Variants in CNBD1 observed in about 807,000 individuals in gnomAD.
The protein encoded by CNBD1 is cyclic nucleotide binding domain containing 1.
CNBD1 carries 71 observed loss-of-function variants against 54.4 expected under a neutral mutation model. That is an observed-to-expected ratio of 1.30 (90% CI 1.08 to 1.59). CNBD1 has a LOEUF of 1.59. CNBD1 is among the 40% of genes most tolerant of loss of function. The pLI is 0.00. For missense variants in CNBD1, 659 were observed against 518.0 expected, an observed-to-expected ratio of 1.27 and a Z score of -2.64; for synonymous variants, 182 against 170.7, an observed-to-expected ratio of 1.07 and a Z score of -0.51.
At chr8:87,303,276 T>C (rs1194779425) in intron 8 of CNBD1, among the ~76,000 whole-genome samples, 2 of 151,858 alleles carry the variant, frequency 1.3e-5, no homozygotes, top group African/African-American at 2.4e-5. Flanking sequence ...ATGGTACTGG[T>C]ACCAAAACAG....
chr8:87,133,070 T>C (rs914335334), intron 4 of CNBD1, among the ~76,000 whole-genome samples: 11 of 150,662 alleles, frequency 7.3e-5, no homozygotes, highest in African/African-American at 1.9e-4. Flanking sequence ...AATGATCTTA[T>C]ACTTTTTAGT....
At chr8:87,099,777 A>C (rs1206215972) in intron 4 of CNBD1, among the ~76,000 whole-genome samples, 1 of 152,204 alleles carries the variant, frequency 6.6e-6, no homozygotes, top group Non-Finnish European at 1.5e-5. Context: ...CATCTTTGAG[A>C]TGTCTAACAG....
intron 6 of CNBD1, among the ~76,000 whole-genome samples, chr8:87,259,708 T>C (rs777761367): frequency 1.3e-5 from 2 of 152,316 alleles, no homozygotes; most frequent in Middle Eastern, 3.4e-3. Context: ...AGTTTCTTAA[T>C]TGGTTATTGG....
In CNBD1 at chr8:87,163,431, T is replaced by A. The variant is rs1215756918; in HGVS notation, c.432-42562T>A. On this transcript the variant is annotated intron_variant, in intron 4 of 10. Coordinates refer to ENST00000518476, the MANE Select transcript of CNBD1 (RefSeq NM_173538.3). The surrounding 1 kb of genome is among the most constrained non-coding windows in gnomAD (Gnocchi z 4.5). ...TCAGGTCATATGAATAATTTAATAT[T>A]AATTTCTTCAACCCATGAATACAAG... Among the ~76,000 whole-genome samples the A allele has an allele frequency of 3.9e-5, 6 of 152,028 alleles. No homozygotes were observed. Among genetic ancestry groups the A allele is most frequent in the African/African-American group, 1.4e-4 (6 of 41,440 alleles).
Position 87,354,697 on chromosome 8 carries a change from GTT to G in CNBD1, c.1303+913_1303+914del, listed in dbSNP as rs1036316506. 3.3e-5 allele frequency among the ~76,000 whole-genome samples: 5 copies of G among 152,068 alleles called. No individual in the cohort carries two copies. The East Asian group carries it at 7.8e-4, about 24-fold the overall frequency. ...TTGTGATAGTTTGCTGAGAATGATA[GTT>G]TCCAGCTTCATCCATGTCCCTACAA... On this transcript the variant is annotated intron_variant, in intron 10 of 10. Coordinates refer to ENST00000518476, the MANE Select transcript of CNBD1 (RefSeq NM_173538.3).
intron 2 of CNBD1, among the ~76,000 whole-genome samples, chr8:86,898,560 T>C (rs1808881337): frequency 1.3e-5 from 2 of 152,038 alleles, no homozygotes; most frequent in Admixed American, 1.3e-4. Flanking sequence ...GCAAGCCAAT[T>C]GAATGGAGAA....
chr8:87,052,685 G>A (rs969178869), intron 4 of CNBD1, among the ~76,000 whole-genome samples: 16 of 152,214 alleles, frequency 1.1e-4, no homozygotes, highest in South Asian at 2.1e-4. Flanking sequence ...TTGGCTATAG[G>A]AGACATGTTG....
At chr8:87,013,694 G>A (rs191250844) in intron 4 of CNBD1, among the ~76,000 whole-genome samples, 2 of 149,710 alleles carry the variant, frequency 1.3e-5, no homozygotes, top group Admixed American at 1.3e-4. Flanking sequence ...AAGTACTAAA[G>A]TAAAGCTATA....
chr8:87,078,025 G>A (rs1010946208), intron 4 of CNBD1, among the ~76,000 whole-genome samples: 2 of 152,240 alleles, frequency 1.3e-5, no homozygotes, highest in African/African-American at 4.8e-5. Context: ...ACCTCCCAAA[G>A]GTCTCACTTC....
chr8:87,296,763 T>G (rs1379002534), intron 8 of CNBD1, among the ~76,000 whole-genome samples: 2 of 152,064 alleles, frequency 1.3e-5, no homozygotes, highest in Admixed American at 6.6e-5. Flanking sequence ...CAGGCTATAA[T>G]TCATAAAGTA....
rs1194371931 is a variant in CNBD1, at chr8:87,076,579, A to G, written c.432-129414A>G. 2.0e-5 allele frequency among the ~76,000 whole-genome samples: 3 copies of G among 151,964 alleles called. No individual in the cohort carries two copies. In the East Asian group the frequency reaches 5.8e-4, roughly 30 times the overall value. On this transcript the variant is annotated intron_variant, in intron 4 of 10. Transcript: ENST00000518476. ...TGCCTCAGCCTCCTGGGTAGCTGGGACTACAGGCATGCCCCACCATGTCTG... is the reference window on the plus strand; with the variant it reads ...TGCCTCAGCCTCCTGGGTAGCTGGGGCTACAGGCATGCCCCACCATGTCTG...
intron 4 of CNBD1, among the ~76,000 whole-genome samples, chr8:87,179,064 C>A (rs1323578869): frequency 1.3e-5 from 2 of 152,122 alleles, no homozygotes; most frequent in Non-Finnish European, 2.9e-5. Context: ...GTGCGTGCCA[C>A]CATGCCCAGC....
chr8:87,176,229 G>C (rs1181502633), intron 4 of CNBD1, among the ~76,000 whole-genome samples: 1 of 152,152 alleles, frequency 6.6e-6, no homozygotes, highest in Non-Finnish European at 1.5e-5. Context: ...GCTTTTTTGT[G>C]TAGATAGTTG....
intron 2 of CNBD1, among the ~76,000 whole-genome samples, chr8:86,889,334 A>G (rs189662250): frequency 1.5e-4 from 23 of 152,290 alleles, no homozygotes; most frequent in African/African-American, 5.5e-4. Flanking sequence ...TTCTTTAGAC[A>G]ATTTACCAGA....
intron 4 of CNBD1, among the ~76,000 whole-genome samples, chr8:87,042,781 AT>A (rs1231847567): frequency 1.6e-4 from 25 of 152,172 alleles, no homozygotes; most frequent in African/African-American, 5.8e-4. Flanking sequence ...AAATATATAA[AT>A]ATAATATGTA....
At position 87,367,826 on chromosome 8, in the gene CNBD1, G is replaced by T. The variant is rs529111590; in HGVS notation, c.1303+14040G>T. On this transcript the variant is annotated intron_variant, in intron 10 of 10. Coordinates refer to ENST00000518476, the MANE Select transcript of CNBD1 (RefSeq NM_173538.3). ...ACTGAATTGGGTTTGTTACTCATTG[G>T]GATGAGAGAGAACTATGGGGAACCA... 1.9e-3 allele frequency among the ~76,000 whole-genome samples: 289 copies of T among 152,160 alleles called. 1 individual carries two copies. Among genetic ancestry groups the T allele is most frequent in the South Asian group, 5.8e-3 (28 of 4,820 alleles).
chr8:86,951,472 C>G (rs1173670074), intron 4 of CNBD1, among the ~76,000 whole-genome samples: 1 of 150,352 alleles, frequency 6.7e-6, no homozygotes, highest in Admixed American at 6.7e-5. Flanking sequence ...CCCAGCTATT[C>G]TGGAGGCTGA....
At chr8:86,947,682 G>C (rs1324765786) in intron 4 of CNBD1, among the ~76,000 whole-genome samples, 1 of 151,990 alleles carries the variant, frequency 6.6e-6, no homozygotes, top group Non-Finnish European at 1.5e-5. Context: ...GAGATGTTTT[G>C]ATACAGGCAT....
chr8:87,042,801 T>C (rs1810100866), intron 4 of CNBD1, among the ~76,000 whole-genome samples: 1 of 152,134 alleles, frequency 6.6e-6, no homozygotes, highest in South Asian at 2.1e-4. Context: ...TAAAATATGG[T>C]AGATTGTATT....
Sources: gnomAD v4.1 joint callset for allele counts (sites outside exome capture counted in the v4.1 genomes callset) on GRCh38, gnomAD v4.1.1 for gene constraint, Gnocchi (gnomAD v3.1) non-coding constraint, MANE v1.5 for transcripts, NCBI Gene and HGNC (gene_info 2026-07-23, HGNC 2026-07-21) for gene names.